Variants in HCFC2 observed in about 807,000 individuals in gnomAD.
The protein encoded by HCFC2 is host cell factor C2.
Under a neutral mutation model 89.2 loss-of-function variants are expected in HCFC2, and 18 were observed. That is an observed-to-expected ratio of 0.20 (90% CI 0.14 to 0.30). The LOEUF (loss-of-function observed/expected upper bound fraction) is 0.30. Among genes scored for constraint, HCFC2 ranks in the 10% least tolerant of loss-of-function variants. HCFC2 has a pLI of 1.00. For missense variants in HCFC2, 578 were observed against 956.1 expected, an observed-to-expected ratio of 0.60 and a Z score of 5.21; for synonymous variants, 308 against 335.7, an observed-to-expected ratio of 0.92 and a Z score of 0.90.
chr12:104,072,103 T>A (rs1211963620), intron 3 of HCFC2, among the ~76,000 whole-genome samples: 1 of 152,242 alleles, frequency 6.6e-6, no homozygotes, highest in Non-Finnish European at 1.5e-5. Flanking sequence ...CCAGGCATAG[T>A]GGCTCACGCC....
intron 1 of HCFC2, 120 bp from the exon 2 acceptor site, chr12:104,066,047 C>T: frequency 1.0e-6 from 1 of 970,330 alleles, no homozygotes; most frequent in South Asian, 1.4e-5. Flanking sequence ...TACCAAATGT[C>T]TTCTGGGGGG....
chr12:104,099,614 A>G (rs1252938721), intron 13 of HCFC2, among the ~76,000 whole-genome samples: 1 of 150,760 alleles, frequency 6.6e-6, no homozygotes, highest in East Asian at 2.0e-4. Flanking sequence ...CTATCTCTAA[A>G]TTTAAAAAAA....
At chr12:104,078,451 G>C (rs1188117900) in intron 3 of HCFC2, among the ~76,000 whole-genome samples, 1 of 152,024 alleles carries the variant, frequency 6.6e-6, no homozygotes, top group Non-Finnish European at 1.5e-5. Flanking sequence ...TAATTTTGTA[G>C]GAAATAGATT....
At chr12:104,102,938 T>C in intron 14 of HCFC2, 21 bp from the exon 15 acceptor site, 2 of 1,563,060 alleles carry the variant, frequency 1.3e-6, no homozygotes, top group Non-Finnish European at 1.7e-6. Flanking sequence ...CTTTAACCTG[T>C]TTTTTCCCCC....
intron 3 of HCFC2, among the ~76,000 whole-genome samples, chr12:104,071,260 T>A (rs947730322): frequency 1.3e-5 from 2 of 152,258 alleles, no homozygotes; most frequent in Admixed American, 6.5e-5. Context: ...TTCAGTTTGA[T>A]GTACATCTTT....
At chr12:104,076,614 C>T (rs1349960404) in intron 3 of HCFC2, among the ~76,000 whole-genome samples, 2 of 151,922 alleles carry the variant, frequency 1.3e-5, no homozygotes, top group African/African-American at 4.8e-5. Context: ...GCATTCCTGC[C>T]CCCACCACCA....
In HCFC2 at chr12:104,086,903, C is replaced by A; in HGVS notation, c.1120C>A (p.His374Asn). 1 of 1,613,964 alleles carries A rather than the reference C, an allele frequency of 6.2e-7. No individual in the cohort carries two copies. ...GATCAAAGCCACTACCAACTCCTTT[C>A]ATGTCAAGTGGGATGAAGTGTCTAC... ...QLIKATTNSF[H>N]VKWDEVSTVE... Residue 374 changes from histidine to asparagine, a missense_variant, in exon 8 of 15, where the codon CAT becomes AAT. Physicochemically the swap from His to Asn is moderately conservative, Grantham distance 68. Around this residue, in one of 4 missense-constraint regions of HCFC2, gnomAD observed 210 missense variants for 251.7 expected, o/e 0.83. Coordinates refer to ENST00000229330, the MANE Select transcript of HCFC2 (RefSeq NM_013320.3).
At chr12:104,073,165 G>T (rs1049847283) in intron 3 of HCFC2, among the ~76,000 whole-genome samples, 2 of 140,890 alleles carry the variant, frequency 1.4e-5, no homozygotes, top group African/African-American at 2.5e-5. Context: ...TCTTCTGTTT[G>T]CCTTTTTTTT....
In HCFC2 at chr12:104,103,372, A is replaced by G; in HGVS notation, c.*99A>G. 1.0e-6 allele frequency: 1 copy of G among 992,490 alleles called. No homozygotes were observed. The highest frequency in any genetic ancestry group is 1.5e-6 in the Non-Finnish European group (1 of 679,992). The allele number at this position is 992,490 out of a possible 1,614,324, so 61.5% of individuals were successfully genotyped here. A position where few individuals can be genotyped will look rare whatever the true frequency, so the allele number is the denominator to read the frequency against. On this transcript the variant is annotated 3_prime_UTR_variant, in exon 15 of 15. Coordinates refer to ENST00000229330, the MANE Select transcript of HCFC2 (RefSeq NM_013320.3). ...AAGAGTATTCTCTGGCTGTATTTCC[A>G]GCAGTTATGAACTTGAGTTTGTAAA...
chr12:104,081,391 T>G (rs1883678690), intron 5 of HCFC2, among the ~76,000 whole-genome samples: 1 of 152,204 alleles, frequency 6.6e-6, no homozygotes, highest in Non-Finnish European at 1.5e-5. Context: ...GATTAATACA[T>G]ATGAAATGCT....
At chr12:104,073,035 C>T (rs2136598305) in intron 3 of HCFC2, among the ~76,000 whole-genome samples, 1 of 152,030 alleles carries the variant, frequency 6.6e-6, no homozygotes, top group East Asian at 1.9e-4. Context: ...ATCCTGTGAC[C>T]TTGTTGAATT....
intron 9 of HCFC2, among the ~76,000 whole-genome samples, chr12:104,092,597 AC>A (rs1388222753): frequency 6.6e-6 from 1 of 152,048 alleles, no homozygotes; most frequent in Non-Finnish European, 1.5e-5. Context: ...ACATGGTGAA[AC>A]CCTGTCTCTA....
intron 9 of HCFC2, 52 bp from the exon 10 acceptor site, chr12:104,093,328 ATGTATT>A (rs2136623346): frequency 8.4e-7 from 1 of 1,192,990 alleles, no homozygotes; most frequent in African/African-American, 1.6e-5. Flanking sequence ...TGTTTTTTAC[ATGTATT>A]TGTATTTCAT....
chr12:104,064,896 A>G lies in HCFC2; in HGVS notation c.163+173A>G, dbSNP rs1373761786. On this transcript the variant is annotated intron_variant, in intron 1 of 14. Transcript: ENST00000229330. This position sits in a 1 kb window ranked among gnomAD's most constrained non-coding sequence, Gnocchi z 7.3. ...CCCGGGTCCGGCAGCTCTGTCCCGG[A>G]CCGCAGCTCAGGATCTCCGGGGCCC... The G allele has an allele frequency of 2.0e-6, 1 of 492,454 alleles. No homozygotes were observed. Among genetic ancestry groups the G allele is most frequent in the African/African-American group, 2.1e-5 (1 of 48,770 alleles). 30.5% of individuals were successfully genotyped at this position (492,454 alleles called of 1,614,324 possible).
intron 2 of HCFC2, among the ~76,000 whole-genome samples, chr12:104,067,340 A>C (rs1324943509): frequency 6.6e-6 from 1 of 152,202 alleles, no homozygotes; most frequent in African/African-American, 2.4e-5. Flanking sequence ...ACCTTTCTAA[A>C]TTTGAGTCTT....
At chr12:104,067,880 A>G in intron 2 of HCFC2, 67 bp from the exon 3 acceptor site, 1 of 1,396,108 alleles carries the variant, frequency 7.2e-7, no homozygotes, top group Non-Finnish European at 9.5e-7. Flanking sequence ...ATGATGTTGC[A>G]CTATTGACAA....
chr12:104,088,726 G>A (rs1883939784), intron 9 of HCFC2, among the ~76,000 whole-genome samples: 1 of 152,176 alleles, frequency 6.6e-6, no homozygotes, highest in African/African-American at 2.4e-5. Context: ...CATACTTATA[G>A]TATGTCAGGA....
At chr12:104,094,442 G>A in intron 10 of HCFC2, among the ~76,000 whole-genome samples, 1 of 152,166 alleles carries the variant, frequency 6.6e-6, no homozygotes, top group African/African-American at 2.4e-5. Context: ...CATGATCTAT[G>A]CCTGCCTTAT....
Position 104,068,193 on chromosome 12 carries a change from G to A in HCFC2, c.473+86G>A. The stretch of plus-strand genomic sequence containing the variant: ...TTTTCCATCTTTAATTTTTAAAAGG[G>A]ATGATGCTTAGCTTTTTGCATTTCA... On this transcript the variant is annotated intron_variant, in intron 3 of 14. Coordinates refer to ENST00000229330, the MANE Select transcript of HCFC2 (RefSeq NM_013320.3). The surrounding 1 kb of genome is among the most constrained non-coding windows in gnomAD (Gnocchi z 4.1). The A allele has an allele frequency of 2.5e-6, 3 of 1,196,964 alleles. No individual in the cohort carries two copies. The highest frequency in any genetic ancestry group is 3.4e-6 in the Non-Finnish European group (3 of 874,322). The allele number at this position is 1,196,964 out of a possible 1,614,324, so 74.1% of individuals were successfully genotyped here.
Sources: allele counts gnomAD v4.1 joint callset (sites outside exome capture counted in the v4.1 genomes callset), GRCh38; gene constraint gnomAD v4.1.1; regional missense constraint gnomAD v4.1.1; non-coding constraint Gnocchi (gnomAD v3.1); transcripts MANE v1.5; gene names NCBI Gene and HGNC (gene_info 2026-07-23, HGNC 2026-07-21).